GALNT13: variants seen among roughly 807,000 people sequenced by gnomAD.
The protein encoded by GALNT13 is UDP-GalNAc:polypeptide N-acetylgalactosaminyltransferase 13.
Under a neutral mutation model 64.2 loss-of-function variants are expected in GALNT13, and 28 were observed. The ratio of observed to expected loss-of-function variants is 0.44; its 90% CI spans 0.32 to 0.60. The LOEUF is 0.60. GALNT13 is among the 20% of genes least tolerant of loss of function. The probability of loss-of-function intolerance (pLI) is 0.05; values close to 1 mark genes in which losing one functional copy is unlikely to be tolerated. For synonymous variants in GALNT13, 214 were observed against 224.6 expected, an observed-to-expected ratio of 0.95 and a Z score of 0.42; for missense variants, 577 against 669.8, an observed-to-expected ratio of 0.86 and a Z score of 1.53.
the GALNT13 span, among the ~76,000 whole-genome samples, chr2:153,498,788 T>G: frequency 5.8e-3 from 881 of 151,948 alleles, 6 homozygotes; most frequent in Middle Eastern, 0.01. Context: ...GGTTGGGGGG[T>G]GTGTTTCAGC....
the GALNT13 span, among the ~76,000 whole-genome samples, chr2:153,748,225 A>G: frequency 6.6e-6 from 1 of 152,152 alleles, no homozygotes; most frequent in Non-Finnish European, 1.5e-5. Flanking sequence ...AAATAGTTTT[A>G]GTTCTTTAGA....
chr2:153,638,737 A>G, the GALNT13 span, among the ~76,000 whole-genome samples: 3 of 152,082 alleles, frequency 2.0e-5, no homozygotes, highest in Admixed American at 6.6e-5. Flanking sequence ...TATAGTGGTA[A>G]GAATTTGGCG....
chr2:154,026,211 G>C (rs60539232), intron 3 of GALNT13, among the ~76,000 whole-genome samples: 10,730 of 152,242 alleles, frequency 0.07, 447 homozygotes, highest in Middle Eastern at 0.13. Flanking sequence ...ACTACTAGAG[G>C]AGAGAGATTA....
the GALNT13 span, among the ~76,000 whole-genome samples, chr2:153,630,555 G>A: frequency 6.9e-6 from 1 of 145,716 alleles, no homozygotes; most frequent in Non-Finnish European, 1.5e-5. Flanking sequence ...GCTAAATGAC[G>A]AGTTAATAGG....
chr2:153,674,353 T>G, the GALNT13 span, among the ~76,000 whole-genome samples: 61 of 151,848 alleles, frequency 4.0e-4, 1 homozygote, highest in Admixed American at 4.0e-3. Flanking sequence ...CCAAAACAGA[T>G]ATATAGACCA....
At chr2:153,785,546 C>T in the GALNT13 span, among the ~76,000 whole-genome samples, 3 of 152,196 alleles carry the variant, frequency 2.0e-5, no homozygotes. Flanking sequence ...TATCTCCCTA[C>T]TGGGTGAGTT....
chr2:153,820,725 TAAAAAC>T, the GALNT13 span, among the ~76,000 whole-genome samples: 63 of 152,124 alleles, frequency 4.1e-4, no homozygotes, highest in Non-Finnish European at 5.1e-4. Flanking sequence ...GTTCTAAACA[TAAAAAC>T]AAAATAATAA....
At chr2:153,220,485 T>C in the GALNT13 span, among the ~76,000 whole-genome samples, 1 of 152,212 alleles carries the variant, frequency 6.6e-6, no homozygotes, top group African/African-American at 2.4e-5. Flanking sequence ...ACAACTTCAG[T>C]AAACACACTG....
chr2:154,382,273 C>A (rs2105333965), intron 9 of GALNT13, among the ~76,000 whole-genome samples: 1 of 152,102 alleles, frequency 6.6e-6, no homozygotes, highest in Non-Finnish European at 1.5e-5. Flanking sequence ...TTAGAATTCT[C>A]TATGTAACAG....
the GALNT13 span, among the ~76,000 whole-genome samples, chr2:153,351,949 T>C: frequency 2.0e-5 from 3 of 152,160 alleles, no homozygotes; most frequent in African/African-American, 7.2e-5. Flanking sequence ...TGGACATCAG[T>C]TTTCAACTTC....
chr2:153,661,017 G>C, the GALNT13 span, among the ~76,000 whole-genome samples: 1 of 152,030 alleles, frequency 6.6e-6, no homozygotes, highest in African/African-American at 2.4e-5. Flanking sequence ...TACCAGGATA[G>C]GTATAAATAG....
chr2:154,431,867 C>G (rs1574293784), intron 11 of GALNT13, among the ~76,000 whole-genome samples: 2 of 152,212 alleles, frequency 1.3e-5, no homozygotes, highest in African/African-American at 2.4e-5. Flanking sequence ...TGGGATGTGC[C>G]TTTGCTCCTC....
At chr2:153,117,931 A>G in the GALNT13 span, among the ~76,000 whole-genome samples, 6 of 152,190 alleles carry the variant, frequency 3.9e-5, no homozygotes, top group Non-Finnish European at 8.8e-5. Flanking sequence ...AAAGTTTCCT[A>G]GAACTGTCAT....
the GALNT13 span, among the ~76,000 whole-genome samples, chr2:153,755,165 A>T: frequency 6.6e-6 from 1 of 152,016 alleles, no homozygotes; most frequent in African/African-American, 2.4e-5. Flanking sequence ...TGCTCATCTG[A>T]CTTTTTGATC....
chr2:153,635,908 A>C, the GALNT13 span, among the ~76,000 whole-genome samples: 1 of 152,110 alleles, frequency 6.6e-6, no homozygotes, highest in Non-Finnish European at 1.5e-5. Flanking sequence ...GGCAGGGGTA[A>C]AAAGAAACAT....
chr2:153,941,135 A>G (rs1022924685), intron 2 of GALNT13, among the ~76,000 whole-genome samples: 1 of 152,032 alleles, frequency 6.6e-6, no homozygotes, highest in African/African-American at 2.4e-5. Flanking sequence ...CCGTTCCATT[A>G]CAGGCACACG....
intron 4 of GALNT13, among the ~76,000 whole-genome samples, chr2:154,173,615 C>A (rs1286499887): frequency 6.6e-6 from 1 of 151,838 alleles, no homozygotes; most frequent in East Asian, 1.9e-4. Context: ...AAGGGACAAC[C>A]CACACAATGG....
chr2:153,627,909 G>C, the GALNT13 span, among the ~76,000 whole-genome samples: 88 of 152,168 alleles, frequency 5.8e-4, no homozygotes, highest in African/African-American at 2.0e-3. Context: ...TAGCTTGATG[G>C]GGATGGCATT....
At chr2:154,170,950 T>C (rs2105699837) in intron 4 of GALNT13, among the ~76,000 whole-genome samples, 1 of 152,300 alleles carries the variant, frequency 6.6e-6, no homozygotes, top group Admixed American at 6.5e-5. Context: ...AAGTCTTGGG[T>C]CAAACCCAAA....
Sources: gnomAD v4.1 joint callset for allele counts (sites outside exome capture counted in the v4.1 genomes callset) on GRCh38, gnomAD v4.1.1 for gene constraint, MANE v1.5 for transcripts, NCBI Gene and HGNC (gene_info 2026-07-23, HGNC 2026-07-21) for gene names.